Variants in IER5 observed in about 807,000 individuals in gnomAD.
The protein encoded by IER5 is immediate early response 5.
In IER5, 3 loss-of-function variants were observed where a neutral mutation model predicts 8.2. The observed-to-expected ratio is 0.36, with a 90% CI of 0.17 to 0.94. IER5 has a LOEUF of 0.94. Ranked by LOEUF, IER5 falls within the 40% of genes least tolerant of loss-of-function variation. The pLI is 0.43. For synonymous variants in IER5, 286 were observed against 230.1 expected, an observed-to-expected ratio of 1.24 and a Z score of -2.20; for missense variants, 531 against 494.3, an observed-to-expected ratio of 1.07 and a Z score of -0.70.
Position 181,089,653 on chromosome 1 carries a change from A to C in IER5, c.751A>C (p.Ser251Arg). The stretch of plus-strand genomic sequence containing the variant: ...CCGCCGGAACTTAGAGCAGCCGCCG[A>C]GTGGAGGAGAGGACGACGACGCGGA... Reference protein sequence around the residue: ...KPRRNLEQPPSGGEDDDAEEM... With the variant: ...KPRRNLEQPPRGGEDDDAEEM... The change falls in exon 1 of 1, where the codon AGT becomes CGT. Residue 251 changes from serine (S) to arginine (R), a missense_variant. By Grantham distance (110) the Ser-to-Arg change is moderately radical (BLOSUM62 -1). Transcript: ENST00000367577. 6.2e-7 allele frequency: 1 copy of C among 1,612,814 alleles called. No individual in the cohort carries two copies. Among genetic ancestry groups the C allele is most frequent in the Non-Finnish European group, 8.5e-7 (1 of 1,179,848 alleles).
At position 181,092,337 on chromosome 1, in the gene IER5, TAGG is replaced by T. The variant is rs1299580313; in HGVS notation, c.*2456_*2458del. On this transcript the variant is annotated 3_prime_UTR_variant, in exon 1 of 1. Transcript: ENST00000367577. Reference sequence around the variant, plus strand: ...AAAGAATGTAAATTGGCATACTTGATAGGAGGATAAAGCTTTGTAGGAATTAGA... The same window carrying T: ...AAAGAATGTAAATTGGCATACTTGATAGGATAAAGCTTTGTAGGAATTAGA... 1.3e-5 allele frequency: 2 copies of T among 151,248 alleles called. No homozygotes were observed. Among genetic ancestry groups the T allele is most frequent in the East Asian group, 1.9e-4 (1 of 5,186 alleles). 9.4% of individuals were successfully genotyped at this position (151,248 alleles called of 1,614,324 possible). A position where few individuals can be genotyped will look rare whatever the true frequency, so the allele number is the denominator to read the frequency against.
Position 181,089,919 on chromosome 1 carries a change from C to T in IER5, c.*33C>T, listed in dbSNP as rs1331580022. ...GCCCCCCTGCGGGGAGGAGGTGGAG[C>T]AGCGGGCGTCCCCGAAGTGAGGGCC... On this transcript the variant is annotated 3_prime_UTR_variant, in exon 1 of 1. Transcript: ENST00000367577. The T allele has an allele frequency of 4.4e-6, 7 of 1,601,416 alleles. No individual in the cohort carries two copies. The highest frequency in any genetic ancestry group is 1.1e-5 in the South Asian group (1 of 89,656).
chr1:181,089,426 C>T lies in IER5; in HGVS notation c.524C>T (p.Pro175Leu). ...FPEVSRAARR[P>L]CGCPLGGEDP... ...GAGGTATCTCGTGCCGCGCGCCGCC[C>T]CTGCGGCTGCCCCCTAGGCGGGGAG... The change falls in exon 1 of 1, where the codon CCC (proline) becomes CTC (leucine). Residue 175 changes from proline to leucine, a missense_variant. Pro to Leu is a moderately conservative substitution (Grantham distance 98). Transcript: ENST00000367577. 2.9e-6 allele frequency: 4 copies of T among 1,401,860 alleles called. No individual in the cohort carries two copies. The highest frequency in any genetic ancestry group is 2.8e-6 in the Non-Finnish European group (3 of 1,076,696). The allele number at this position is 1,401,860 out of a possible 1,614,324, so 86.8% of individuals were successfully genotyped here. A position where few individuals can be genotyped will look rare whatever the true frequency, so the allele number is the denominator to read the frequency against.
chr1:181,089,145 C>G lies in IER5; in HGVS notation c.243C>G (p.Ala81=). Residue 81 remains alanine (A), a synonymous_variant, in exon 1 of 1, where the codon GCC becomes GCG. Transcript: ENST00000367577. ...QPGEPAAGPP[A]GWGEPPPPAA... ...GGGAGCCGGCGGCCGGGCCACCCGC[C>G]GGCTGGGGAGAGCCGCCCCCGCCCG... 1 of 1,407,156 alleles carries G rather than the reference C, an allele frequency of 7.1e-7. No homozygotes were observed. The highest frequency in any genetic ancestry group is 9.2e-7 in the Non-Finnish European group (1 of 1,081,680). The allele number at this position is 1,407,156 out of a possible 1,614,324, so 87.2% of individuals were successfully genotyped here. A position where few individuals can be genotyped will look rare whatever the true frequency, so the allele number is the denominator to read the frequency against.
chr1:181,089,949 C>T lies in IER5; in HGVS notation c.*63C>T, dbSNP rs941527842. On this transcript the variant is annotated 3_prime_UTR_variant, in exon 1 of 1. Coordinates refer to ENST00000367577, the MANE Select transcript of IER5 (RefSeq NM_016545.5). ...GGCGTCCCCGAAGTGAGGGCCAGGC[C>T]CTTCCCGGCTGCGAGGACGCCCAGA... 3.2e-6 allele frequency: 5 copies of T among 1,566,488 alleles called. No individual in the cohort carries two copies. In the African/African-American group the frequency reaches 5.5e-5, roughly 17 times the overall value.
chr1:181,089,069 A>G lies in IER5; in HGVS notation c.167A>G (p.Tyr56Cys). The G allele has an allele frequency of 6.3e-7, 1 of 1,593,380 alleles. No homozygotes were observed. The highest frequency in any genetic ancestry group is 1.1e-5 in the South Asian group (1 of 88,956). The change falls in exon 1 of 1, where the codon TAC becomes TGC. Residue 56 changes from tyrosine to cysteine, a missense_variant. By Grantham distance (194) the Tyr-to-Cys change is radical (BLOSUM62 -2). Coordinates refer to ENST00000367577, the MANE Select transcript of IER5 (RefSeq NM_016545.5). The stretch of plus-strand genomic sequence containing the variant: ...CTGAGCGACCCGTGCCCCGGCCTCT[A>G]CCTGGCCGGTCCCGCTGGGACCCCG... ...VYLSDPCPGL[Y>C]LAGPAGTPAP...
Position 181,089,060 on chromosome 1 carries a change from C to T in IER5, c.158C>T (p.Pro53Leu), listed in dbSNP as rs1407375547. ...ARQVYLSDPC[P>L]GLYLAGPAGT... is the part of the protein sequence containing the mutation. ...CAAGTCTACCTGAGCGACCCGTGCC[C>T]CGGCCTCTACCTGGCCGGTCCCGCT... Residue 53 changes from proline (P) to leucine (L), a missense_variant, in exon 1 of 1, where the codon CCC (proline) becomes CTC (leucine). Physicochemically the swap from Pro to Leu is moderately conservative, Grantham distance 98 (BLOSUM62 -3). Transcript: ENST00000367577. The T allele has an allele frequency of 1.2e-6, 2 of 1,601,874 alleles. No homozygotes were observed. The highest frequency in any genetic ancestry group is 3.4e-5 in the Admixed American group (2 of 58,758).
Position 181,088,759 on chromosome 1 carries a change from C to T in IER5, c.-144C>T. 4.6e-6 allele frequency: 3 copies of T among 658,616 alleles called. No individual in the cohort carries two copies. Among genetic ancestry groups the T allele is most frequent in the South Asian group, 3.5e-5 (2 of 57,804 alleles). 40.8% of individuals were successfully genotyped at this position (658,616 alleles called of 1,614,324 possible). A position where few individuals can be genotyped will look rare whatever the true frequency, so the allele number is the denominator to read the frequency against. On this transcript the variant is annotated 5_prime_UTR_variant, in exon 1 of 1. Coordinates refer to ENST00000367577, the MANE Select transcript of IER5 (RefSeq NM_016545.5). ...TTGTTTGGAGAGGTTAGTAGAGCAG[C>T]GCGCGCGTCACCAGAGTCGTTTCTC... is the stretch of plus-strand genomic sequence containing the variant.
Position 181,088,719 on chromosome 1 carries a change from A to C in IER5, c.-184A>C. ...TGCCCTGTTTAGCGACCGGACCCGAAACGGGGAAGTTGTCTTGTTTGGAGA... is the reference window on the plus strand; with the variant it reads ...TGCCCTGTTTAGCGACCGGACCCGACACGGGGAAGTTGTCTTGTTTGGAGA... On this transcript the variant is annotated 5_prime_UTR_variant, in exon 1 of 1. Coordinates refer to ENST00000367577, the MANE Select transcript of IER5 (RefSeq NM_016545.5). 1 of 593,910 alleles carries C rather than the reference A, an allele frequency of 1.7e-6. No homozygotes were observed. The highest frequency in any genetic ancestry group is 2.8e-6 in the Non-Finnish European group (1 of 354,920). 36.8% of individuals were successfully genotyped at this position (593,910 alleles called of 1,614,324 possible). A position where few individuals can be genotyped will look rare whatever the true frequency, so the allele number is the denominator to read the frequency against.
Position 181,090,422 on chromosome 1 carries a change from T to C in IER5, c.*536T>C, listed in dbSNP as rs1462930717. 9.3e-5 allele frequency: 16 copies of C among 171,212 alleles called. No homozygotes were observed. Among genetic ancestry groups the C allele is most frequent in the Non-Finnish European group, 2.0e-4 (14 of 70,606 alleles). The allele number at this position is 171,212 out of a possible 1,614,324, so 10.6% of individuals were successfully genotyped here. A position where few individuals can be genotyped will look rare whatever the true frequency, so the allele number is the denominator to read the frequency against. ...CAAGAGCACAGACTTGGATTCCTTC[T>C]GTCCCTCCCCACCTTTCTCTCCCAA... On this transcript the variant is annotated 3_prime_UTR_variant, in exon 1 of 1. Transcript: ENST00000367577.
In IER5 at chr1:181,088,857, C is replaced by G. The variant is rs773653169; in HGVS notation, c.-46C>G. The stretch of plus-strand genomic sequence containing the variant: ...TGCGCCTCCCGTTCCCTCCCAATTT[C>G]CAAACGTGTCACCCCGGCGCCGACG... On this transcript the variant is annotated 5_prime_UTR_variant, in exon 1 of 1. Coordinates refer to ENST00000367577, the MANE Select transcript of IER5 (RefSeq NM_016545.5). The G allele has an allele frequency of 7.1e-7, 1 of 1,400,098 alleles. No homozygotes were observed. Among genetic ancestry groups the G allele is most frequent in the Non-Finnish European group, 9.6e-7 (1 of 1,044,064 alleles). 86.7% of individuals were successfully genotyped at this position (1,400,098 alleles called of 1,614,324 possible).
chr1:181,088,962 C>G lies in IER5; in HGVS notation c.60C>G (p.Asn20Lys). Residue 20 changes from asparagine (N) to lysine (K), a missense_variant, in exon 1 of 1, where the codon AAC (asparagine) becomes AAG (lysine). Physicochemically the swap from Asn to Lys is moderately conservative, Grantham distance 94. Coordinates refer to ENST00000367577, the MANE Select transcript of IER5 (RefSeq NM_016545.5). ...IVSISLGKIY[N>K]SRVQRGGIKL... ...GCATCTCTCTGGGCAAGATCTACAA[C>G]TCGCGGGTCCAGCGCGGCGGCATCA... 1 of 1,613,864 alleles carries G rather than the reference C, an allele frequency of 6.2e-7. No homozygotes were observed. Among genetic ancestry groups the G allele is most frequent in the Middle Eastern group, 1.6e-4 (1 of 6,062 alleles).
At position 181,089,707 on chromosome 1, in the gene IER5, C is replaced by G. The variant is rs1161464738; in HGVS notation, c.805C>G (p.Leu269Val). The part of the protein sequence containing the change: ...EEMETGNVAN[L>V]ISIFGSSFSG... ...GATGGAGACCGGGAACGTGGCTAAC[C>G]TCATCAGCATCTTCGGTTCCAGTTT... The change falls in exon 1 of 1, where the codon CTC (leucine) becomes GTC (valine). Residue 269 changes from leucine (L) to valine (V), a missense_variant. Transcript: ENST00000367577. 1 of 1,613,814 alleles carries G rather than the reference C, an allele frequency of 6.2e-7. No individual in the cohort carries two copies. Among genetic ancestry groups the G allele is most frequent in the South Asian group, 1.1e-5 (1 of 91,090 alleles).
At position 181,090,009 on chromosome 1, in the gene IER5, T is replaced by C; in HGVS notation, c.*123T>C. On this transcript the variant is annotated 3_prime_UTR_variant, in exon 1 of 1. Transcript: ENST00000367577. ...CGCTGAGCGCGTTGGGCAGACTGGT[T>C]GCCTCTGGGCATCGCAAACTGCCCC... 1 of 1,318,706 alleles carries C rather than the reference T, an allele frequency of 7.6e-7. No homozygotes were observed. Among genetic ancestry groups the C allele is most frequent in the East Asian group, 2.5e-5 (1 of 39,770 alleles). 81.7% of individuals were successfully genotyped at this position (1,318,706 alleles called of 1,614,324 possible). A position where few individuals can be genotyped will look rare whatever the true frequency, so the allele number is the denominator to read the frequency against.
rs1659434816 is a variant in IER5, at chr1:181,090,083, A to AAG, written c.*200_*201dup. The AAG allele has an allele frequency of 1.5e-6, 1 of 647,746 alleles. No homozygotes were observed. The highest frequency in any genetic ancestry group is 2.7e-5 in the East Asian group (1 of 36,370). 40.1% of individuals were successfully genotyped at this position (647,746 alleles called of 1,614,324 possible). A position where few individuals can be genotyped will look rare whatever the true frequency, so the allele number is the denominator to read the frequency against. On this transcript the variant is annotated 3_prime_UTR_variant, in exon 1 of 1. Transcript: ENST00000367577. ...GACCTGGGAGCTTGAGGCTCATTGG[A>AAG]AGAGGACGATCGTTAACTTTTGTGT...
rs1405932068 is a variant in IER5, at chr1:181,089,337, G to A, written c.435G>A (p.Glu145=). 1 of 1,530,244 alleles carries A rather than the reference G, an allele frequency of 6.5e-7. No homozygotes were observed. Among genetic ancestry groups the A allele is most frequent in the Non-Finnish European group, 8.8e-7 (1 of 1,140,782 alleles). The allele number at this position is 1,530,244 out of a possible 1,614,324, so 94.8% of individuals were successfully genotyped here. ...DATEAAWSRV[E]GPRQAAAREA... ...CGGAAGCTGCCTGGAGCCGCGTGGA[G>A]GGGCCGCGCCAGGCGGCGGCCAGAG... The change falls in exon 1 of 1, where the codon GAG becomes GAA. Residue 145 remains glutamate (E), a synonymous_variant. Coordinates refer to ENST00000367577, the MANE Select transcript of IER5 (RefSeq NM_016545.5).
Position 181,089,614 on chromosome 1 carries a change from C to T in IER5, c.712C>T (p.Pro238Ser), listed in dbSNP as rs1306331012. Residue 238 changes from proline (P) to serine (S), a missense_variant, in exon 1 of 1, where the codon CCG becomes TCG. Physicochemically the swap from Pro to Ser is moderately conservative, Grantham distance 74. Coordinates refer to ENST00000367577, the MANE Select transcript of IER5 (RefSeq NM_016545.5). ...GGGCTGCCCGGCGCCCGGCTCGACC[C>T]CGCTCAAGAAGCCCCGCCGGAACTT... ...PAGCPAPGST[P>S]LKKPRRNLEQ... The T allele has an allele frequency of 1.2e-6, 2 of 1,610,736 alleles. No individual in the cohort carries two copies. The highest frequency in any genetic ancestry group is 1.7e-6 in the Non-Finnish European group (2 of 1,179,336).
chr1:181,091,492 A>G lies in IER5; in HGVS notation c.*1606A>G, dbSNP rs1374689699. The G allele has an allele frequency of 6.6e-6, 1 of 152,268 alleles. No homozygotes were observed. Among genetic ancestry groups the G allele is most frequent in the East Asian group, 1.9e-4 (1 of 5,202 alleles). 9.4% of individuals were successfully genotyped at this position (152,268 alleles called of 1,614,324 possible). A position where few individuals can be genotyped will look rare whatever the true frequency, so the allele number is the denominator to read the frequency against. Reference sequence around the variant, plus strand: ...GGCTAGGCAAATTTAGTTCTCATTTAGCAAAACTTCCTGATTTGTTTTGTT... The same window carrying G: ...GGCTAGGCAAATTTAGTTCTCATTTGGCAAAACTTCCTGATTTGTTTTGTT... On this transcript the variant is annotated 3_prime_UTR_variant, in exon 1 of 1. Transcript: ENST00000367577.
chr1:181,089,480 C>A lies in IER5; in HGVS notation c.578C>A (p.Pro193His). 1 of 1,344,682 alleles carries A rather than the reference C, an allele frequency of 7.4e-7. No homozygotes were observed. Among genetic ancestry groups the A allele is most frequent in the South Asian group, 1.8e-5 (1 of 54,378 alleles). The allele number at this position is 1,344,682 out of a possible 1,614,324, so 83.3% of individuals were successfully genotyped here. ...CCGCCGGGTACACCGGCCGCGACCC[C>A]CCGCGCTGCCTGCTGCTGCGCGCCG... The part of the protein sequence containing the change: ...EDPPGTPAAT[P>H]RAACCCAPQP... The change falls in exon 1 of 1, where the codon CCC (proline) becomes CAC (histidine). Residue 193 changes from proline to histidine, a missense_variant. Pro to His is a moderately conservative substitution (Grantham distance 77, BLOSUM62 -2). Transcript: ENST00000367577.
Sources: allele counts gnomAD v4.1 joint callset, GRCh38; gene constraint gnomAD v4.1.1; transcripts MANE v1.5; gene names NCBI Gene and HGNC (gene_info 2026-07-23, HGNC 2026-07-21).